The following AFF3 variants were observed in gnomAD, a reference collection of about 807,000 sequenced individuals.
The protein encoded by AFF3 is AF4/FMR2 family member 3.
A neutral mutation model predicts 129.7 loss-of-function variants in AFF3; 32 were observed. That is an observed-to-expected ratio of 0.25 (90% CI 0.19 to 0.33). The LOEUF is 0.33. AFF3 is among the 10% of genes least tolerant of loss of function. The pLI is 1.00. For synonymous variants in AFF3, 644 were observed against 635.4 expected, an observed-to-expected ratio of 1.01 and a Z score of -0.20; for missense variants, 1,373 against 1,592.0, an observed-to-expected ratio of 0.86 and a Z score of 2.34.
At chr2:99,860,800 C>T (rs1194027772) in intron 7 of AFF3, among the ~76,000 whole-genome samples, 2 of 151,998 alleles carry the variant, frequency 1.3e-5, no homozygotes, top group African/African-American at 4.8e-5. Context: ...GATCACCTGA[C>T]ATATGTATAT....
chr2:99,783,614 A>T (rs1209923670), intron 8 of AFF3, among the ~76,000 whole-genome samples: 2 of 152,228 alleles, frequency 1.3e-5, no homozygotes, highest in African/African-American at 4.8e-5. Flanking sequence ...TTATTAACCA[A>T]ACAACATCTT....
In AFF3 at chr2:99,659,588, A is replaced by G. The variant is rs148962653; in HGVS notation, c.1144-9922T>C. Among the ~76,000 whole-genome samples, 782 of 152,300 alleles carry G rather than the reference A, an allele frequency of 5.1e-3. 7 individuals carry two copies. Among genetic ancestry groups the G allele is most frequent in the African/African-American group, 0.017 (717 of 41,572 alleles). ...GACATACAATTTTAGGGGAAAAAAT[A>G]GAAAGTAAATCGCCACTAATAAGTG... On this transcript the variant is annotated intron_variant, in intron 12 of 24. Transcript: ENST00000672756.
chr2:99,594,950 A>G (rs1167950877), intron 14 of AFF3, among the ~76,000 whole-genome samples: 1 of 152,164 alleles, frequency 6.6e-6, no homozygotes, highest in Non-Finnish European at 1.5e-5. Context: ...TATTTCAAAC[A>G]TGGAGGTGAG....
At chr2:99,705,897 A>AAG (rs1677332886) in intron 11 of AFF3, among the ~76,000 whole-genome samples, 1 of 151,424 alleles carries the variant, frequency 6.6e-6, no homozygotes, top group South Asian at 2.1e-4. Flanking sequence ...AAAAAAAAAA[A>AAG]AAACACGCCC....
intron 7 of AFF3, among the ~76,000 whole-genome samples, chr2:99,972,620 T>C (rs767511191): frequency 1.3e-5 from 2 of 152,208 alleles, no homozygotes; most frequent in Non-Finnish European, 2.9e-5. Flanking sequence ...GCCAAGGATA[T>C]AGCAATAAAC....
chr2:100,076,368 C>G (rs905707266), intron 4 of AFF3, among the ~76,000 whole-genome samples: 1 of 152,186 alleles, frequency 6.6e-6, no homozygotes, highest in Non-Finnish European at 1.5e-5. Context: ...ATTTCTTCCC[C>G]ACAGAGGATG....
In AFF3 at chr2:100,015,008, G is replaced by A. The variant is rs149168055; in HGVS notation, c.54-6076C>T. ...TTTAGTAGAGACAGGGTTTCAGGACGTTAGCCAGGATGGTCTCGATCTCCT... is the reference window on the plus strand; with the variant it reads ...TTTAGTAGAGACAGGGTTTCAGGACATTAGCCAGGATGGTCTCGATCTCCT... On this transcript the variant is annotated intron_variant, in intron 4 of 24. Transcript: ENST00000672756. 4.1e-3 allele frequency among the ~76,000 whole-genome samples: 582 copies of A among 143,626 alleles called. 3 individuals are homozygous for A. Among genetic ancestry groups the A allele is most frequent in the African/African-American group, 0.014 (541 of 38,188 alleles). The allele number at this position is 143,626 out of a possible 152,430, so 94.2% of individuals were successfully genotyped here.
At chr2:99,940,883 G>C (rs1183928246) in intron 7 of AFF3, among the ~76,000 whole-genome samples, 1 of 151,554 alleles carries the variant, frequency 6.6e-6, no homozygotes, top group Non-Finnish European at 1.5e-5. Context: ...ACCAGAACTA[G>C]AACCAGGAGG....
At chr2:99,640,881 G>A (rs750199900) in intron 13 of AFF3, among the ~76,000 whole-genome samples, 12 of 152,320 alleles carry the variant, frequency 7.9e-5, no homozygotes, top group Non-Finnish European at 1.5e-4. Context: ...GGGGCAGTTG[G>A]CTATTTAAGG....
At chr2:99,751,759 G>T (rs1681675105) in intron 9 of AFF3, among the ~76,000 whole-genome samples, 2 of 152,254 alleles carry the variant, frequency 1.3e-5, no homozygotes, top group African/African-American at 4.8e-5. Flanking sequence ...AGAAAATATA[G>T]ATATCTTTTT....
chr2:99,788,201 C>T (rs1684946065), intron 8 of AFF3, among the ~76,000 whole-genome samples: 1 of 152,112 alleles, frequency 6.6e-6, no homozygotes, highest in African/African-American at 2.4e-5. Flanking sequence ...CTACATTACA[C>T]TATACTTTTA....
chr2:99,968,339 C>T (rs80007551), intron 7 of AFF3, among the ~76,000 whole-genome samples: 1,593 of 152,214 alleles, frequency 0.01, 31 homozygotes, highest in African/African-American at 0.036. Context: ...TCCTCTCAAC[C>T]ATGTATTTTC....
At chr2:99,649,545 G>A (rs180895096) in intron 13 of AFF3, 81 bp downstream of exon 13, 9 of 1,470,234 alleles carry the variant, frequency 6.1e-6, no homozygotes, top group African/African-American at 2.8e-5. Context: ...GACAAAATCC[G>A]ATTATGAATT....
chr2:99,585,577 G>T (rs1037232394), intron 16 of AFF3, among the ~76,000 whole-genome samples: 1 of 152,164 alleles, frequency 6.6e-6, no homozygotes, highest in African/African-American at 2.4e-5. Flanking sequence ...GAATAGAGAA[G>T]TGACCTCTTC....
intron 2 of AFF3, chr2:100,106,601 G>A (rs1046495086): frequency 1.0e-6 from 1 of 988,818 alleles, no homozygotes; most frequent in Non-Finnish European, 1.2e-6. Context: ...CCCCTGTCTG[G>A]AAGAACTGCA....
chr2:99,578,224 A>G, intron 18 of AFF3, 103 bp downstream of exon 18: 1 of 1,443,338 alleles, frequency 6.9e-7, no homozygotes, highest in East Asian at 2.5e-5. Flanking sequence ...AAAAGGCCGC[A>G]CTGTAGCTGA....
Position 99,714,308 on chromosome 2 carries a change from G to A in AFF3, c.1091+12769C>T, listed in dbSNP as rs1678179680. Among the ~76,000 whole-genome samples, 10 of 152,102 alleles carry A rather than the reference G, an allele frequency of 6.6e-5. No homozygotes were observed. In the South Asian group the frequency reaches 2.1e-3, roughly 32 times the overall value. On this transcript the variant is annotated intron_variant, in intron 11 of 24. Coordinates refer to ENST00000672756, the MANE Select transcript of AFF3 (RefSeq NM_001386135.1). ...TCTTCCTTCCTTATTCACTGAATAAGCCATGCCCCTTTGCAGGCCTCCAGT... is the reference window on the plus strand; with the variant it reads ...TCTTCCTTCCTTATTCACTGAATAAACCATGCCCCTTTGCAGGCCTCCAGT...
At chr2:99,712,536 C>A (rs187332036) in intron 11 of AFF3, among the ~76,000 whole-genome samples, 6 of 152,346 alleles carry the variant, frequency 3.9e-5, no homozygotes, top group Admixed American at 3.3e-4. Context: ...GTAACCTCTA[C>A]TGTGTTTTGT....
At chr2:100,042,371 T>C (rs935919803) in intron 4 of AFF3, among the ~76,000 whole-genome samples, 15 of 152,208 alleles carry the variant, frequency 9.9e-5, no homozygotes, top group African/African-American at 3.4e-4. Context: ...ATCTGAAATA[T>C]ATTGTTTTTT....
Sources: allele counts gnomAD v4.1 joint callset (sites outside exome capture counted in the v4.1 genomes callset), GRCh38; gene constraint gnomAD v4.1.1; transcripts MANE v1.5; gene names NCBI Gene and HGNC (gene_info 2026-07-23, HGNC 2026-07-21).